The following SLC25A48 variants were observed in gnomAD, a reference collection of about 807,000 sequenced individuals.
The protein encoded by SLC25A48 is CTC-321K16.1.
A neutral mutation model predicts 32.2 loss-of-function variants in SLC25A48; 29 were observed. The ratio of observed to expected loss-of-function variants is 0.90; its 90% CI spans 0.67 to 1.23. The LOEUF (loss-of-function observed/expected upper bound fraction) is 1.23. Among genes scored for constraint, SLC25A48 ranks in the 50% most tolerant of loss-of-function variants. The pLI, the probability that SLC25A48 is intolerant of heterozygous loss-of-function variation, is 0.00. For synonymous variants in SLC25A48, 164 were observed against 172.3 expected (o/e 0.95, Z 0.38); for missense variants, 399 against 422.7 (o/e 0.94, Z 0.49).
At chr5:135,626,122 G>A (rs551847111) in intron 1 of SLC25A48, among the ~76,000 whole-genome samples, 1 of 152,234 alleles carries the variant, frequency 6.6e-6, no homozygotes, top group East Asian at 1.9e-4. Context: ...GCATGGCGAG[G>A]CTGGGACGCC....
intron 4 of SLC25A48, among the ~76,000 whole-genome samples, chr5:135,822,732 A>G (rs1438464404): frequency 6.6e-6 from 1 of 152,140 alleles, no homozygotes; most frequent in East Asian, 1.9e-4. Flanking sequence ...CCTATGGGGG[A>G]CACACAACAA....
At chr5:135,757,741 CAATATT>C (rs1347526670) in intron 3 of SLC25A48, among the ~76,000 whole-genome samples, 1 of 148,660 alleles carries the variant, frequency 6.7e-6, no homozygotes, top group Non-Finnish European at 1.5e-5. Context: ...TAATTCACTA[CAATATT>C]AATAAAGTAT....
chr5:135,747,732 T>G (rs757692278), intron 3 of SLC25A48, among the ~76,000 whole-genome samples: 1 of 152,214 alleles, frequency 6.6e-6, no homozygotes, highest in African/African-American at 2.4e-5. Context: ...CTGCAATGTA[T>G]CAGTTGCCTG....
intron 3 of SLC25A48, among the ~76,000 whole-genome samples, chr5:135,697,846 C>T (rs1457492940): frequency 6.6e-6 from 1 of 152,306 alleles, no homozygotes; most frequent in Non-Finnish European, 1.5e-5. Flanking sequence ...GTTAGGCTCT[C>T]AAAAACTGGG....
intron 1 of SLC25A48, 82 bp from the exon 2 acceptor site, chr5:135,842,334 T>G (rs1580964819): frequency 2.3e-5 from 33 of 1,434,554 alleles, no homozygotes; most frequent in Non-Finnish European, 3.2e-5. Context: ...ACTAAACAAG[T>G]GCCTGTTTTG....
At chr5:135,788,295 C>G (rs866154063) in intron 3 of SLC25A48, among the ~76,000 whole-genome samples, 14 of 149,816 alleles carry the variant, frequency 9.3e-5, no homozygotes, top group Middle Eastern at 3.5e-3. Context: ...CAGCCCCTTG[C>G]CATATGGTCC....
At position 135,799,878 on chromosome 5, in the gene SLC25A48, G is replaced by A. The variant is rs191434298; in HGVS notation, c.-520-12645G>A. Among the ~76,000 whole-genome samples the A allele has an allele frequency of 5.0e-3, 759 of 151,818 alleles. 8 individuals are homozygous for A. The highest frequency in any genetic ancestry group is 7.8e-3 in the Non-Finnish European group (527 of 67,870). ...GTGACATTGTTCCTAATATCCAGGG[G>A]AAAATAGGATGATATTACTCCCAAT... On this transcript the variant is annotated intron_variant, in intron 3 of 10. Transcript: ENST00000646290.
chr5:135,777,854 C>A (rs1020328630), intron 3 of SLC25A48, among the ~76,000 whole-genome samples: 1 of 150,910 alleles, frequency 6.6e-6, no homozygotes, highest in African/African-American at 2.4e-5. Context: ...TGATATTGTT[C>A]CTAATGCTTA....
At chr5:135,846,455 C>T (rs187261780) in intron 2 of SLC25A48, among the ~76,000 whole-genome samples, 34 of 152,298 alleles carry the variant, frequency 2.2e-4, no homozygotes, top group African/African-American at 7.0e-4. Flanking sequence ...GCATCTTGGC[C>T]CAGGACAGCC....
At chr5:135,632,312 T>C (rs899033993) in intron 2 of SLC25A48, among the ~76,000 whole-genome samples, 1 of 152,096 alleles carries the variant, frequency 6.6e-6, no homozygotes, top group African/African-American at 2.4e-5. Context: ...GAGGATGGAT[T>C]AGAGAAGGGA....
intron 3 of SLC25A48, among the ~76,000 whole-genome samples, chr5:135,715,557 G>A (rs546637498): frequency 4.6e-5 from 7 of 152,328 alleles, no homozygotes; most frequent in South Asian, 4.1e-4. Flanking sequence ...GCCCAGGAGC[G>A]GGTTGGGAGG....
chr5:135,699,980 C>G (rs955103153), intron 3 of SLC25A48, among the ~76,000 whole-genome samples: 1 of 152,194 alleles, frequency 6.6e-6, no homozygotes, highest in Non-Finnish European at 1.5e-5. Context: ...GACAGAATCT[C>G]AACTCCGTGG....
At chr5:135,645,510 G>A (rs1462306570) in intron 3 of SLC25A48, among the ~76,000 whole-genome samples, 1 of 152,176 alleles carries the variant, frequency 6.6e-6, no homozygotes, top group Non-Finnish European at 1.5e-5. Flanking sequence ...TGACACATGT[G>A]TTGAGTTCGA....
chr5:135,617,291 A>T (rs562039900), intron 1 of SLC25A48, among the ~76,000 whole-genome samples: 28 of 152,118 alleles, frequency 1.8e-4, no homozygotes, highest in African/African-American at 6.8e-4. Flanking sequence ...TTTATGTGGT[A>T]TGAGTTGTAA....
chr5:135,671,364 T>C (rs1753649426), intron 3 of SLC25A48, among the ~76,000 whole-genome samples: 1 of 152,236 alleles, frequency 6.6e-6, no homozygotes, highest in South Asian at 2.1e-4. Flanking sequence ...GGCTGAATCT[T>C]TTCTGGCCTG....
rs541495306 is a variant in SLC25A48 at position 135,784,340 on chromosome 5, C to T, written c.-520-28183C>T. Among the ~76,000 whole-genome samples, 115 of 115,916 alleles carry T rather than the reference C, an allele frequency of 9.9e-4. 11 individuals are homozygous for T. Among genetic ancestry groups the T allele is most frequent in the African/African-American group, 2.8e-3 (106 of 38,064 alleles). 76.0% of individuals were successfully genotyped at this position (115,916 alleles called of 152,430 possible). A position where few individuals can be genotyped will look rare whatever the true frequency, so the allele number is the denominator to read the frequency against. ...TTACTCCCAATACCCCAGGAAGTTT[C>T]CACCCCCCTGTGATATAGTTTTTAA... On this transcript the variant is annotated intron_variant, in intron 3 of 10. Transcript: ENST00000646290.
At chr5:135,856,613 C>T (rs1004313026) in intron 4 of SLC25A48, among the ~76,000 whole-genome samples, 2 of 152,140 alleles carry the variant, frequency 1.3e-5, no homozygotes, top group African/African-American at 2.4e-5. Context: ...CACTGCAGCA[C>T]GTGGGGAGAC....
At chr5:135,728,545 G>C (rs1180206595) in intron 3 of SLC25A48, among the ~76,000 whole-genome samples, 1 of 152,052 alleles carries the variant, frequency 6.6e-6, no homozygotes. Flanking sequence ...ACTTAAGGGT[G>C]TTTCTTTTTT....
At chr5:135,755,810 A>G (rs1413367581) in intron 3 of SLC25A48, among the ~76,000 whole-genome samples, 1 of 151,816 alleles carries the variant, frequency 6.6e-6, no homozygotes, top group East Asian at 1.9e-4. Flanking sequence ...TCGCTGCGAC[A>G]TTTATCTCAT....
Sources: gnomAD v4.1 joint callset for allele counts (sites outside exome capture counted in the v4.1 genomes callset) on GRCh38, gnomAD v4.1.1 for gene constraint, MANE v1.5 for transcripts, NCBI Gene and HGNC (gene_info 2026-07-23, HGNC 2026-07-21) for gene names.